The following TANGO6 variants were observed in gnomAD, a reference collection of about 807,000 sequenced individuals.
TANGO6 encodes transport and Golgi organization protein 6 homolog.
In TANGO6, 90 loss-of-function variants were observed where a neutral mutation model predicts 114.2. That is an observed-to-expected ratio of 0.79 (90% CI 0.66 to 0.94). TANGO6 has a LOEUF of 0.94. Among genes scored for constraint, TANGO6 ranks in the 40% least tolerant of loss-of-function variants. The probability of loss-of-function intolerance (pLI) is 0.00; values close to 1 mark genes in which losing one functional copy is unlikely to be tolerated. For missense variants in TANGO6, 1,274 were observed against 1,315.3 expected (o/e 0.97, Z 0.49); for synonymous variants, 477 against 509.8 (o/e 0.94, Z 0.87).
At chr16:68,939,171 G>A (rs140622587) in intron 14 of TANGO6, among the ~76,000 whole-genome samples, 74 of 150,766 alleles carry the variant, frequency 4.9e-4, no homozygotes, top group African/African-American at 1.7e-3. Flanking sequence ...AATTTAGTTT[G>A]TAAAATGCTT....
At chr16:68,857,948 A>C (rs1225499148) in intron 1 of TANGO6, among the ~76,000 whole-genome samples, 1 of 152,172 alleles carries the variant, frequency 6.6e-6, no homozygotes, top group Non-Finnish European at 1.5e-5. Context: ...TCTCAAAATA[A>C]ATTGAACAAT....
At chr16:68,871,541 C>A (rs11864025) in intron 4 of TANGO6, among the ~76,000 whole-genome samples, 43,501 of 152,032 alleles carry the variant, frequency 0.29, 7,914 homozygotes, top group African/African-American at 0.53. Flanking sequence ...ATTATGTTTA[C>A]TGTTGTCCTG....
At chr16:68,944,993 A>G (rs1963399190) in intron 14 of TANGO6, among the ~76,000 whole-genome samples, 1 of 152,150 alleles carries the variant, frequency 6.6e-6, no homozygotes, top group African/African-American at 2.4e-5. Context: ...CTAAAAATAC[A>G]AAAATTAGCC....
intron 4 of TANGO6, chr16:68,867,967 C>G (rs894263807): frequency 2.1e-5 from 3 of 144,114 alleles, no homozygotes; most frequent in African/African-American, 7.8e-5. Context: ...CATAGCAAGA[C>G]TCTGTTTCTA....
rs184782733 is a variant in TANGO6, at chr16:68,943,855, G to T, written c.2701+13560G>T. Among the ~76,000 whole-genome samples, 8 of 152,202 alleles carry T rather than the reference G, an allele frequency of 5.3e-5. No individual in the cohort carries two copies. In the South Asian group the frequency reaches 1.5e-3, roughly 28 times the overall value. On this transcript the variant is annotated intron_variant, in intron 14 of 17. Coordinates refer to ENST00000261778, the MANE Select transcript of TANGO6 (RefSeq NM_024562.2). Reference sequence around the variant, plus strand: ...TTTTAAAATATCTGCTAGTTTTTACGTGTTTTTTACTTAAATTGTCAGCAT... The same window carrying T: ...TTTTAAAATATCTGCTAGTTTTTACTTGTTTTTTACTTAAATTGTCAGCAT...
At chr16:68,897,985 A>G (rs1019143903) in intron 7 of TANGO6, among the ~76,000 whole-genome samples, 2 of 152,130 alleles carry the variant, frequency 1.3e-5, no homozygotes, top group South Asian at 2.1e-4. Context: ...GTAAATAATG[A>G]AGACTTAACT....
intron 4 of TANGO6, among the ~76,000 whole-genome samples, chr16:68,870,499 T>G (rs1239088442): frequency 2.0e-5 from 3 of 152,174 alleles, no homozygotes; most frequent in African/African-American, 7.2e-5. Flanking sequence ...TCTTTGCATC[T>G]TCCTTTTCCA....
chr16:68,927,929 A>C lies in TANGO6; in HGVS notation c.2489A>C (p.Lys830Thr). The C allele has an allele frequency of 6.2e-7, 1 of 1,613,930 alleles. No individual in the cohort carries two copies. The highest frequency in any genetic ancestry group is 8.5e-7 in the Non-Finnish European group (1 of 1,179,858). ...VNEPSTTTSQ[K>T]SGSVTTEQLQ... is the part of the protein sequence containing the mutation. ...GAGCCCAGCACTACTACAAGTCAGAAATCTGGAAGCGTAACCACAGAACAG... is the reference window on the plus strand; with the variant it reads ...GAGCCCAGCACTACTACAAGTCAGACATCTGGAAGCGTAACCACAGAACAG... The change falls in exon 13 of 18, where the codon AAA (lysine) becomes ACA (threonine). Residue 830 changes from lysine (K) to threonine (T), a missense_variant. By Grantham distance (78) the Lys-to-Thr change is moderately conservative. Coordinates refer to ENST00000261778, the MANE Select transcript of TANGO6 (RefSeq NM_024562.2).
chr16:68,909,402 G>A lies in TANGO6; in HGVS notation c.1992G>A (p.Gln664=). Residue 664 remains glutamine (Q), a splice_region_variant and synonymous_variant, in exon 11 of 18, where the codon CAG becomes CAA. Transcript: ENST00000261778. ...MSEQIFTNVT[Q]VVDFVAATLQ... is the part of the protein sequence containing the mutation. ...AGCAGATATTCACAAACGTCACTCAGGTCAGTAGTTGCCACATTCTGGACC... is the reference window on the plus strand; with the variant it reads ...AGCAGATATTCACAAACGTCACTCAAGTCAGTAGTTGCCACATTCTGGACC... 6.6e-7 allele frequency: 1 copy of A among 1,504,368 alleles called. No individual in the cohort carries two copies. The highest frequency in any genetic ancestry group is 2.2e-5 in the Admixed American group (1 of 44,638). 93.2% of individuals were successfully genotyped at this position (1,504,368 alleles called of 1,614,324 possible).
At chr16:68,844,593 A>G (rs1961774735) in intron 1 of TANGO6, among the ~76,000 whole-genome samples, 1 of 152,192 alleles carries the variant, frequency 6.6e-6, no homozygotes, top group African/African-American at 2.4e-5. Context: ...CTCAGATTTT[A>G]TACTTAAAAC....
At chr16:69,009,381 C>T (rs1009646990) in intron 15 of TANGO6, among the ~76,000 whole-genome samples, 1 of 151,962 alleles carries the variant, frequency 6.6e-6, no homozygotes, top group African/African-American at 2.4e-5. Context: ...GCGCCTGGCC[C>T]GAGAGTTTAT....
intron 14 of TANGO6, among the ~76,000 whole-genome samples, chr16:68,956,020 G>C (rs190589889): frequency 1.4e-4 from 21 of 151,922 alleles, no homozygotes; most frequent in Non-Finnish European, 3.1e-4. Flanking sequence ...GCATGGTGGT[G>C]GGCACCTGTA....
At chr16:68,975,398 T>A (rs1963754136) in intron 15 of TANGO6, among the ~76,000 whole-genome samples, 1 of 151,944 alleles carries the variant, frequency 6.6e-6, no homozygotes, top group South Asian at 2.1e-4. Flanking sequence ...TTTTTTTTTT[T>A]CATGGTAGAG....
intron 11 of TANGO6, among the ~76,000 whole-genome samples, chr16:68,912,699 G>A (rs752011542): frequency 3.3e-5 from 5 of 151,876 alleles, no homozygotes; most frequent in Non-Finnish European, 7.4e-5. Flanking sequence ...AGGGACTTCT[G>A]GTGAAAGACA....
intron 14 of TANGO6, among the ~76,000 whole-genome samples, chr16:68,953,994 CT>C (rs1422180150): frequency 6.6e-6 from 1 of 152,012 alleles, no homozygotes; most frequent in Admixed American, 6.6e-5. Flanking sequence ...AATCCCAGCA[CT>C]TTCGGAGGCC....
intron 17 of TANGO6, among the ~76,000 whole-genome samples, chr16:69,080,119 C>T (rs550829782): frequency 6.6e-6 from 1 of 152,316 alleles, no homozygotes; most frequent in Non-Finnish European, 1.5e-5. Flanking sequence ...AAATTACTTT[C>T]ATTGGAAAGA....
intron 15 of TANGO6, among the ~76,000 whole-genome samples, chr16:68,987,301 C>T (rs1338234902): frequency 6.6e-6 from 1 of 151,986 alleles, no homozygotes; most frequent in Admixed American, 6.6e-5. Context: ...TGATATTCAC[C>T]AAAGTGGAAT....
intron 17 of TANGO6, among the ~76,000 whole-genome samples, chr16:69,049,738 C>CT (rs999346593): frequency 4.1e-4 from 60 of 146,246 alleles, no homozygotes; most frequent in Admixed American, 6.2e-4. Flanking sequence ...CTATGTCTGG[C>CT]TTTTTTTTTT....
chr16:68,892,597 C>A (rs928918807), intron 7 of TANGO6, among the ~76,000 whole-genome samples: 1 of 151,504 alleles, frequency 6.6e-6, no homozygotes, highest in African/African-American at 2.4e-5. Flanking sequence ...TCACTGCAAC[C>A]TCCGCCTCCT....
Sources: allele counts gnomAD v4.1 joint callset (sites outside exome capture counted in the v4.1 genomes callset), GRCh38; gene constraint gnomAD v4.1.1; transcripts MANE v1.5; gene names NCBI Gene and HGNC (gene_info 2026-07-23, HGNC 2026-07-21).